Variants in PATJ observed in about 807,000 individuals in gnomAD.
The protein encoded by PATJ is inaD-like protein.
In PATJ, 190 loss-of-function variants were observed where a neutral mutation model predicts 224.9. The ratio of observed to expected loss-of-function variants is 0.84; its 90% CI spans 0.75 to 0.95. The LOEUF (loss-of-function observed/expected upper bound fraction) is 0.95. Among genes scored for constraint, PATJ ranks in the 40% least tolerant of loss-of-function variants. The probability of loss-of-function intolerance (pLI) is 0.00; values close to 1 mark genes in which losing one functional copy is unlikely to be tolerated. For missense variants in PATJ, 2,121 were observed against 2,270.3 expected (o/e 0.93, Z 1.34); for synonymous variants, 769 against 820.3 (o/e 0.94, Z 1.07).
intron 1 of PATJ, among the ~76,000 whole-genome samples, chr1:61,757,240 T>C (rs1468607082): frequency 6.6e-6 from 1 of 151,892 alleles, no homozygotes; most frequent in Non-Finnish European, 1.5e-5. Context: ...CTGGCTAATT[T>C]TTAAAATTTT....
intron 27 of PATJ, among the ~76,000 whole-genome samples, chr1:61,942,644 G>A (rs760202427): frequency 1.3e-5 from 2 of 151,624 alleles, no homozygotes; most frequent in Non-Finnish European, 2.9e-5. Flanking sequence ...TCTGCCTCCC[G>A]GGTTTAAGCA....
chr1:62,067,852 G>A (rs1263252950), intron 31 of PATJ, among the ~76,000 whole-genome samples: 1 of 152,224 alleles, frequency 6.6e-6, no homozygotes, highest in African/African-American at 2.4e-5. Flanking sequence ...CCCAGCTGGA[G>A]TGCAGTGGCA....
chr1:61,959,972 A>G (rs1681038414), intron 27 of PATJ, among the ~76,000 whole-genome samples: 1 of 152,068 alleles, frequency 6.6e-6, no homozygotes, highest in African/African-American at 2.4e-5. Flanking sequence ...TCAGTGAGCT[A>G]GGATCACAGC....
chr1:61,945,206 G>A (rs527830702), intron 27 of PATJ, among the ~76,000 whole-genome samples: 201 of 152,244 alleles, frequency 1.3e-3, no homozygotes, highest in Non-Finnish European at 2.3e-3. Flanking sequence ...ATAATGACAG[G>A]ATCAAATTCA....
chr1:62,073,180 A>G (rs1657733138), intron 31 of PATJ: 2 of 985,302 alleles, frequency 2.0e-6, no homozygotes, highest in Non-Finnish European at 2.4e-6. Flanking sequence ...GGTGATTGCA[A>G]TGAGATCAGA....
intron 28 of PATJ, among the ~76,000 whole-genome samples, chr1:62,013,976 G>C (rs1646615722): frequency 1.3e-5 from 2 of 152,204 alleles, no homozygotes; most frequent in Admixed American, 1.3e-4. Flanking sequence ...GTTTCGCCAT[G>C]TTGGCCAGGC....
Position 62,121,170 on chromosome 1 carries a change from C to G in PATJ, c.4891-11C>G, listed in dbSNP as rs201874051. ...GTCTGCACACAGGTGACCCCTGGGTCTTTCTTTCAGGGTAGTCAGCAGAGT... is the reference window on the plus strand; with the variant it reads ...GTCTGCACACAGGTGACCCCTGGGTGTTTCTTTCAGGGTAGTCAGCAGAGT... On this transcript the variant is annotated splice_polypyrimidine_tract_variant and intron_variant, in intron 37 of 43. Coordinates refer to ENST00000642238, the MANE Select transcript of PATJ (RefSeq NM_001350145.3). 9.4e-6 allele frequency: 15 copies of G among 1,595,742 alleles called. No individual in the cohort carries two copies. Among genetic ancestry groups the G allele is most frequent in the Non-Finnish European group, 1.2e-5 (14 of 1,165,462 alleles).
intron 27 of PATJ, among the ~76,000 whole-genome samples, chr1:61,937,333 A>T (rs1677038184): frequency 6.6e-6 from 1 of 152,142 alleles, no homozygotes; most frequent in African/African-American, 2.4e-5. Flanking sequence ...CCTGAGCTCA[A>T]GCAATCTTCC....
chr1:61,989,600 A>G (rs1027575957), intron 27 of PATJ, among the ~76,000 whole-genome samples: 1 of 152,168 alleles, frequency 6.6e-6, no homozygotes, highest in African/African-American at 2.4e-5. Flanking sequence ...AAGACCAAAT[A>G]CTTTGCTTGC....
At chr1:61,839,077 A>C (rs995324104) in intron 17 of PATJ, among the ~76,000 whole-genome samples, 6 of 152,110 alleles carry the variant, frequency 3.9e-5, no homozygotes, top group African/African-American at 1.2e-4. Context: ...ATATGGTAGA[A>C]CTGAAGCAGT....
At chr1:61,968,349 C>T (rs2149452381) in intron 27 of PATJ, among the ~76,000 whole-genome samples, 1 of 152,238 alleles carries the variant, frequency 6.6e-6, no homozygotes, top group South Asian at 2.1e-4. Context: ...AGCTTGATCA[C>T]AACGTTAGCC....
chr1:61,796,714 CTT>C (rs1404767777), intron 10 of PATJ, among the ~76,000 whole-genome samples: 11 of 34,386 alleles, frequency 3.2e-4, no homozygotes, highest in African/African-American at 8.0e-4. Context: ...TTCTTTCTTT[CTT>C]TCTTTCTTTT....
chr1:61,964,864 C>G (rs544267169), intron 27 of PATJ, among the ~76,000 whole-genome samples: 1 of 151,574 alleles, frequency 6.6e-6, no homozygotes, highest in African/African-American at 2.4e-5. Flanking sequence ...GTAATCCCAG[C>G]ACTTTGGGAG....
chr1:62,138,684 GAC>G (rs1667195601), intron 41 of PATJ, among the ~76,000 whole-genome samples: 2 of 152,180 alleles, frequency 1.3e-5, no homozygotes, highest in African/African-American at 4.8e-5. Flanking sequence ...CGGGGCACCA[GAC>G]ACATTTCCAG....
intron 25 of PATJ, 60 bp downstream of exon 25, chr1:61,908,542 GC>G: frequency 1.0e-6 from 1 of 980,692 alleles, no homozygotes; most frequent in South Asian, 1.4e-5. Flanking sequence ...TGCAGACCAA[GC>G]TTTGGCCTCT....
intron 39 of PATJ, 71 bp downstream of exon 39, chr1:62,123,129 C>T: frequency 9.3e-7 from 1 of 1,074,730 alleles, no homozygotes; most frequent in Non-Finnish European, 1.4e-6. Flanking sequence ...ACATTTTCCC[C>T]AATACAGTTT....
At chr1:61,917,468 A>G (rs981528987) in intron 26 of PATJ, among the ~76,000 whole-genome samples, 1 of 149,818 alleles carries the variant, frequency 6.7e-6, no homozygotes, top group Non-Finnish European at 1.5e-5. Context: ...TGAAAGAAGT[A>G]TGTGCATCTA....
At chr1:62,133,070 G>A (rs140929742) in intron 41 of PATJ, among the ~76,000 whole-genome samples, 61 of 152,234 alleles carry the variant, frequency 4.0e-4, no homozygotes, top group African/African-American at 1.4e-3. Flanking sequence ...GGAAGAGTTT[G>A]GCGAGCTAAA....
intron 11 of PATJ, among the ~76,000 whole-genome samples, chr1:61,799,763 T>A (rs769571572): frequency 3.9e-5 from 6 of 152,204 alleles, no homozygotes; most frequent in Non-Finnish European, 7.3e-5. Flanking sequence ...TCTGCATATC[T>A]GTGTGTACCC....
Sources: gnomAD v4.1 joint callset for allele counts (sites outside exome capture counted in the v4.1 genomes callset) on GRCh38, gnomAD v4.1.1 for gene constraint, MANE v1.5 for transcripts, NCBI Gene and HGNC (gene_info 2026-07-23, HGNC 2026-07-21) for gene names.